The following ZFHX3 variants were observed in gnomAD, a reference collection of about 807,000 sequenced individuals.
The protein encoded by ZFHX3 is zinc finger homeobox 3.
A neutral mutation model predicts 279.1 loss-of-function variants in ZFHX3; 42 were observed. The observed-to-expected ratio is 0.15, with a 90% CI of 0.12 to 0.19. The LOEUF is 0.19. Ranked by LOEUF, ZFHX3 falls within the 10% of genes least tolerant of loss-of-function variation. ZFHX3 has a pLI of 1.00. For synonymous variants in ZFHX3, 2,293 were observed against 1,957.8 expected (o/e 1.17, Z -4.52); for missense variants, 4,981 against 4,754.0 (o/e 1.05, Z -1.40).
At chr16:73,873,230 T>C (rs1303885807) in intron 1 of ZFHX3, among the ~76,000 whole-genome samples, 1 of 48,922 alleles carries the variant, frequency 2.0e-5, no homozygotes, top group East Asian at 6.7e-4. Context: ...TGGGTGGTGG[T>C]GGGTGGTAGT....
At chr16:73,619,997 C>T (rs1285206491) in intron 2 of ZFHX3, among the ~76,000 whole-genome samples, 1 of 152,096 alleles carries the variant, frequency 6.6e-6, no homozygotes, top group Non-Finnish European at 1.5e-5. Context: ...ACTATGTTGC[C>T]CAGGCTGGAC....
intron 5 of ZFHX3, among the ~76,000 whole-genome samples, chr16:73,252,755 G>A (rs537140168): frequency 1.1e-4 from 16 of 152,266 alleles, no homozygotes; most frequent in African/African-American, 3.6e-4. Context: ...TTAAAGGGGC[G>A]GAAGGAGCCA....
At chr16:73,428,547 AG>A (rs1715014265) in intron 3 of ZFHX3, among the ~76,000 whole-genome samples, 1 of 152,202 alleles carries the variant, frequency 6.6e-6, no homozygotes. Context: ...TGGGTCAGCC[AG>A]GCATGCAGGG....
rs150893560 is a variant in ZFHX3, at chr16:73,122,393, G to T, written c.-897+8575C>A. ...TTGTATTTTTTTTTTTTTTAGTAGAGACAGGGTTTCATCATGTTGGCCAGG... is the reference window on the plus strand; with the variant it reads ...TTGTATTTTTTTTTTTTTTAGTAGATACAGGGTTTCATCATGTTGGCCAGG... On this transcript the variant is annotated intron_variant, in intron 7 of 17. Coordinates refer to the ZFHX3 transcript ENST00000641206. Among the ~76,000 whole-genome samples the T allele has an allele frequency of 1.6e-3, 245 of 151,366 alleles. 5 individuals are homozygous for T. In the East Asian group the frequency reaches 0.042, roughly 26 times the overall value.
At chr16:73,040,813 A>G (rs1352074257) in intron 1 of ZFHX3, among the ~76,000 whole-genome samples, 1 of 152,244 alleles carries the variant, frequency 6.6e-6, no homozygotes, top group Non-Finnish European at 1.5e-5. Context: ...GTGAAGTGGT[A>G]TGAAGCCCTG....
intron 1 of ZFHX3, among the ~76,000 whole-genome samples, chr16:73,884,568 C>G (rs1007246580): frequency 4.6e-5 from 7 of 152,126 alleles, no homozygotes; most frequent in African/African-American, 1.4e-4. Context: ...TCATTCAGCC[C>G]TGAGTACCAG....
intron 4 of ZFHX3, among the ~76,000 whole-genome samples, chr16:73,297,168 C>T (rs775086091): frequency 1.3e-4 from 19 of 151,994 alleles, no homozygotes; most frequent in South Asian, 6.2e-4. Context: ...TAAGCCACTG[C>T]GCCGAGCCAG....
chr16:72,837,075 G>A (rs2037210871), intron 4 of ZFHX3, among the ~76,000 whole-genome samples: 2 of 152,196 alleles, frequency 1.3e-5, no homozygotes, highest in Admixed American at 1.3e-4. Flanking sequence ...CGGGCCTCTA[G>A]AAGCTGCCTC....
intron 6 of ZFHX3, among the ~76,000 whole-genome samples, chr16:73,133,881 C>T (rs527723949): frequency 1.3e-5 from 2 of 152,280 alleles, no homozygotes; most frequent in South Asian, 4.1e-4. Context: ...CAAGTGCCTG[C>T]ATTTTAATAT....
At chr16:73,478,264 C>CAAAAAAAAA (rs1162656010) in intron 2 of ZFHX3, among the ~76,000 whole-genome samples, 74 of 61,576 alleles carry the variant, frequency 1.2e-3, no homozygotes, top group African/African-American at 4.2e-3. Flanking sequence ...GACTCCATCT[C>CAAAAAAAAA]AAAAAAAAAA....
At chr16:73,507,439 T>C (rs1320930789) in intron 2 of ZFHX3, among the ~76,000 whole-genome samples, 2 of 150,768 alleles carry the variant, frequency 1.3e-5, no homozygotes, top group Non-Finnish European at 2.9e-5. Context: ...CAGTGGAAAG[T>C]GTACTGGAGT....
chr16:73,525,651 A>C (rs2019678251), intron 2 of ZFHX3, among the ~76,000 whole-genome samples: 1 of 152,118 alleles, frequency 6.6e-6, no homozygotes, highest in Admixed American at 6.5e-5. Flanking sequence ...ACCACCATAA[A>C]AGGTAAAAGG....
At chr16:73,096,409 AT>A (rs59309655) in intron 7 of ZFHX3, among the ~76,000 whole-genome samples, 33 of 144,286 alleles carry the variant, frequency 2.3e-4, no homozygotes, top group South Asian at 4.4e-4. Context: ...GAACTTCTTT[AT>A]TTTTTTTTTT....
At chr16:73,092,167 T>G (rs970596833) in intron 8 of ZFHX3, among the ~76,000 whole-genome samples, 1 of 152,188 alleles carries the variant, frequency 6.6e-6, no homozygotes, top group Non-Finnish European at 1.5e-5. Context: ...TAGTGCGTAG[T>G]TGAACCAGAC....
chr16:73,752,657 T>A (rs2053771698), intron 1 of ZFHX3, among the ~76,000 whole-genome samples: 2 of 152,156 alleles, frequency 1.3e-5, no homozygotes, highest in Admixed American at 6.5e-5. Flanking sequence ...TGGCCACACT[T>A]GGGTCAGTCT....
chr16:73,856,755 A>G (rs896253844), intron 1 of ZFHX3, among the ~76,000 whole-genome samples: 2 of 152,194 alleles, frequency 1.3e-5, no homozygotes, highest in Non-Finnish European at 2.9e-5. Flanking sequence ...TCTTATCTTG[A>G]CCAGCCTGCC....
rs1048533410 is a variant in ZFHX3 at position 73,690,071 on chromosome 16, C to T, written c.-1607-9831G>A. ...GCTGGGATTACAGGTGCACACCACA[C>T]GTCTGGCTAATTTTTTTGTACTTTT... On this transcript the variant is annotated intron_variant, in intron 1 of 17. Coordinates refer to the ZFHX3 transcript ENST00000641206. Among the ~76,000 whole-genome samples the T allele has an allele frequency of 1.6e-4, 25 of 152,090 alleles. 1 individual carries two copies. The highest frequency in any genetic ancestry group is 1.3e-3 in the Admixed American group (20 of 15,262).
At chr16:73,127,134 T>C (rs929912425) in intron 7 of ZFHX3, 1 of 316,688 alleles carries the variant, frequency 3.2e-6, no homozygotes, top group Non-Finnish European at 6.1e-6. Flanking sequence ...AAAGTAGGTG[T>C]TTATCTCAAG....
In ZFHX3 at chr16:72,787,399, G is replaced by T. The variant is rs1307357222; in HGVS notation, c.10877C>A (p.Ala3626Glu). Residue 3626 changes from alanine (A) to glutamate (E), a missense_variant, in exon 10 of 10, where the codon GCA (alanine) becomes GAA (glutamate). Around this residue, in one of 7 missense-constraint regions of ZFHX3, gnomAD observed 1,034 missense variants for 786.0 expected, o/e 1.32. Transcript: ENST00000268489. ...AGGAGGAAAAGAAGGGGGCTTCGCT[G>T]CCGAAGCCCGGGAGACCACTTGCGG... ...SWPQVVSRASAAKPPSFPPLS... is the reference protein window; with the variant it reads ...SWPQVVSRASEAKPPSFPPLS... 1 of 1,599,682 alleles carries T rather than the reference G, an allele frequency of 6.3e-7. No individual in the cohort carries two copies. Among genetic ancestry groups the T allele is most frequent in the Non-Finnish European group, 8.5e-7 (1 of 1,171,104 alleles).
Sources: gnomAD v4.1 joint callset for allele counts (sites outside exome capture counted in the v4.1 genomes callset) on GRCh38, gnomAD v4.1.1 for gene constraint, gnomAD v4.1.1 regional missense constraint, MANE v1.5 for transcripts, NCBI Gene and HGNC (gene_info 2026-07-23, HGNC 2026-07-21) for gene names.